Variants in PIAS2 observed in about 807,000 individuals in gnomAD.
PIAS2 encodes the protein protein inhibitor of activated STAT 2, also known as E3 SUMO-protein ligase PIAS2.
PIAS2 carries 19 observed loss-of-function variants against 69.7 expected under a neutral mutation model. The observed-to-expected ratio is 0.27, with a 90% CI of 0.19 to 0.40. PIAS2 has a LOEUF of 0.40. Ranked by LOEUF, PIAS2 falls within the 10% of genes least tolerant of loss-of-function variation. The pLI is 1.00. For missense variants in PIAS2, 624 were observed against 757.0 expected (o/e 0.82, Z 2.06); for synonymous variants, 261 against 263.2 (o/e 0.99, Z 0.08).
intron 8 of PIAS2, 23 bp downstream of exon 8, chr18:46,844,031 A>T (rs779276572): frequency 7.2e-7 from 1 of 1,396,842 alleles, no homozygotes; most frequent in East Asian, 2.5e-5. Context: ...AAATTCCCCA[A>T]AATGTTTTGT....
intron 1 of PIAS2, chr18:46,893,526 T>C: frequency 3.6e-6 from 3 of 834,914 alleles, no homozygotes; most frequent in Non-Finnish European, 4.3e-6. Flanking sequence ...CAACTGGCTC[T>C]ATGGGCTGTT....
chr18:46,875,414 C>T (rs1219914172), intron 2 of PIAS2, among the ~76,000 whole-genome samples: 1 of 152,204 alleles, frequency 6.6e-6, no homozygotes, highest in Non-Finnish European at 1.5e-5. Flanking sequence ...AACCCCTTAT[C>T]CCCTTGTTGC....
upstream of PIAS2, chr18:46,917,966 A>T (rs2058183579): frequency 1.3e-5 from 2 of 151,972 alleles, no homozygotes; most frequent in Non-Finnish European, 2.9e-5. Context: ...GTTGTGTGAC[A>T]CCTCTTTGAA....
chr18:46,832,631 C>T (rs1453264011), intron 9 of PIAS2, among the ~76,000 whole-genome samples: 1 of 152,036 alleles, frequency 6.6e-6, no homozygotes, highest in Non-Finnish European at 1.5e-5. Flanking sequence ...TGACTCATGC[C>T]TGTAATCCCA....
At chr18:46,917,247 G>A in intron 1 of PIAS2, 75 bp downstream of exon 1, 3 of 1,421,600 alleles carry the variant, frequency 2.1e-6, no homozygotes, top group Non-Finnish European at 1.9e-6. Context: ...GCAGGCGGCG[G>A]CCGGCGACGT....
intron 10 of PIAS2, among the ~76,000 whole-genome samples, chr18:46,829,044 T>G (rs2043210718): frequency 2.0e-5 from 3 of 152,194 alleles, no homozygotes; most frequent in African/African-American, 7.2e-5. Flanking sequence ...GAACTTCAAA[T>G]GTAATCAGAA....
At chr18:46,884,712 T>C (rs576994094) in intron 2 of PIAS2, among the ~76,000 whole-genome samples, 12 of 152,108 alleles carry the variant, frequency 7.9e-5, no homozygotes, top group Admixed American at 7.2e-4. Flanking sequence ...GGTCAGGAGT[T>C]TGAGACCAGC....
At position 46,807,377 on chromosome 18, in the gene PIAS2, ATATATATTTTTTTTTTT is replaced by A. The variant is rs1379729331; in HGVS notation, c.*5039_*5055del. 1 of 25,060 alleles carries A rather than the reference ATATATATTTTTTTTTTT, an allele frequency of 4.0e-5. No homozygotes were observed. Among genetic ancestry groups the A allele is most frequent in the Non-Finnish European group, 7.4e-5 (1 of 13,432 alleles). The allele number at this position is 25,060 out of a possible 1,614,324, so 1.6% of individuals were successfully genotyped here. ...ATTTTATATATATATATATATATATATATATATTTTTTTTTTTTTTTTTTTTTTTTTTTAGAGAGTCT... is the reference window on the plus strand; with the variant it reads ...ATTTTATATATATATATATATATATATTTTTTTTTTTTTTTTAGAGAGTCT... On this transcript the variant is annotated 3_prime_UTR_variant, in exon 14 of 14. Coordinates refer to ENST00000585916, the MANE Select transcript of PIAS2 (RefSeq NM_004671.5).
intron 2 of PIAS2, among the ~76,000 whole-genome samples, chr18:46,877,117 C>T (rs1167400194): frequency 6.6e-6 from 1 of 152,174 alleles, no homozygotes; most frequent in Non-Finnish European, 1.5e-5. Context: ...TTATATCATA[C>T]CCTGTGCCAG....
chr18:46,859,045 T>A (rs1213445104), intron 3 of PIAS2, among the ~76,000 whole-genome samples: 1 of 152,194 alleles, frequency 6.6e-6, no homozygotes, highest in Non-Finnish European at 1.5e-5. Flanking sequence ...CAGAATTCAC[T>A]TTATACTTAG....
At chr18:46,903,490 A>C (rs1202751214) in intron 1 of PIAS2, 1 of 152,234 alleles carries the variant, frequency 6.6e-6, no homozygotes, top group East Asian at 1.9e-4. Flanking sequence ...GGGGAAATGC[A>C]AATAAAAACC....
chr18:46,842,247 A>T (rs72907170), intron 8 of PIAS2, among the ~76,000 whole-genome samples: 1,754 of 133,948 alleles, frequency 0.013, 14 homozygotes, highest in Non-Finnish European at 0.017. Flanking sequence ...AAAATAAATT[A>T]AAAAAAAAAA....
At chr18:46,885,680 T>C (rs1257539031) in intron 2 of PIAS2, among the ~76,000 whole-genome samples, 1 of 151,020 alleles carries the variant, frequency 6.6e-6, no homozygotes, top group Admixed American at 6.6e-5. Context: ...CGAGACTCCG[T>C]CTCAAAAAAA....
chr18:46,852,384 T>C (rs1304366619), intron 5 of PIAS2, among the ~76,000 whole-genome samples: 1 of 152,182 alleles, frequency 6.6e-6, no homozygotes, highest in Non-Finnish European at 1.5e-5. Context: ...CTTCTATTTT[T>C]GAAAATATGT....
chr18:46,860,055 A>T (rs2048427401), intron 3 of PIAS2, among the ~76,000 whole-genome samples: 2 of 152,212 alleles, frequency 1.3e-5, no homozygotes, highest in Non-Finnish European at 2.9e-5. Flanking sequence ...CCTGGACAAG[A>T]ATGTATTCAA....
Position 46,855,622 on chromosome 18 carries a change from G to C in PIAS2, c.585-7C>G. On this transcript the variant is annotated splice_polypyrimidine_tract_variant and splice_region_variant and intron_variant, in intron 3 of 13. Coordinates refer to ENST00000585916, the MANE Select transcript of PIAS2 (RefSeq NM_004671.5). ...ACCACCTGGCAAAAAATCCCTGTTG[G>C]AAAGAGAAAGAAAATGGGTTAAAAA... 1 of 1,607,930 alleles carries C rather than the reference G, an allele frequency of 6.2e-7. No individual in the cohort carries two copies. The highest frequency in any genetic ancestry group is 8.5e-7 in the Non-Finnish European group (1 of 1,174,630).
intron 1 of PIAS2, among the ~76,000 whole-genome samples, chr18:46,896,886 T>C (rs1392055619): frequency 6.6e-6 from 1 of 152,234 alleles, no homozygotes; most frequent in Non-Finnish European, 1.5e-5. Context: ...GTTAAGATTA[T>C]TTCTATCCTT....
At chr18:46,847,790 G>A (rs545124358) in intron 5 of PIAS2, among the ~76,000 whole-genome samples, 27 of 152,166 alleles carry the variant, frequency 1.8e-4, no homozygotes, top group Admixed American at 5.2e-4. Flanking sequence ...CCAACTGTTC[G>A]TTTTAAATAG....
Position 46,812,425 on chromosome 18 carries a change from G to C in PIAS2, c.*8C>G. 2 of 1,578,210 alleles carry C rather than the reference G, an allele frequency of 1.3e-6. No homozygotes were observed. The highest frequency in any genetic ancestry group is 1.7e-6 in the Non-Finnish European group (2 of 1,151,530). On this transcript the variant is annotated 3_prime_UTR_variant, in exon 14 of 14. Transcript: ENST00000585916. ...ATGAATGATTCCCAGAATCAAGTGA[G>C]TCCTCCTTTAGTCCAATGAGATGAT...
Sources: gnomAD v4.1 joint callset for allele counts (sites outside exome capture counted in the v4.1 genomes callset) on GRCh38, gnomAD v4.1.1 for gene constraint, MANE v1.5 for transcripts, NCBI Gene and HGNC (gene_info 2026-07-23, HGNC 2026-07-21) for gene names.